Variants in ARF4 observed in about 807,000 individuals in gnomAD.
ARF4 encodes ADP-ribosylation factor 4.
ARF4 carries 5 observed loss-of-function variants against 24.3 expected under a neutral mutation model. The ratio of observed to expected loss-of-function variants is 0.21; its 90% CI spans 0.11 to 0.43. ARF4 has a LOEUF of 0.43. Among genes scored for constraint, ARF4 ranks in the 20% least tolerant of loss-of-function variants. The pLI is 1.00. For missense variants in ARF4, 107 were observed against 213.0 expected (o/e 0.50, Z 3.10); for synonymous variants, 62 against 73.5 (o/e 0.84, Z 0.80).
intron 1 of ARF4, among the ~76,000 whole-genome samples, chr3:57,593,478 T>C (rs1163074483): frequency 6.6e-6 from 1 of 152,146 alleles, no homozygotes; most frequent in African/African-American, 2.4e-5. Context: ...CCTGAACATC[T>C]CTAGACCCCC....
intron 5 of ARF4, among the ~76,000 whole-genome samples, chr3:57,574,132 G>A (rs1372169353): frequency 6.6e-6 from 1 of 150,992 alleles, no homozygotes; most frequent in Admixed American, 6.6e-5. Flanking sequence ...GTAGAGATGG[G>A]GTTTCATCAT....
Position 57,597,067 on chromosome 3 carries a change from C to T in ARF4, c.67+7G>A. On this transcript the variant is annotated splice_region_variant and intron_variant, in intron 1 of 5. Transcript: ENST00000303436. ...AGGTCCCGCCTGACTCGCAGCCCCTCACTCACCCATCAAAATGCGCATCTG... is the reference window on the plus strand; with the variant it reads ...AGGTCCCGCCTGACTCGCAGCCCCTTACTCACCCATCAAAATGCGCATCTG... The T allele has an allele frequency of 6.2e-7, 1 of 1,613,822 alleles. No homozygotes were observed. Among genetic ancestry groups the T allele is most frequent in the Non-Finnish European group, 8.5e-7 (1 of 1,179,724 alleles).
chr3:57,575,435 G>A (rs980515110), intron 5 of ARF4, 113 bp downstream of exon 5: 3 of 1,060,068 alleles, frequency 2.8e-6, no homozygotes, highest in Non-Finnish European at 2.5e-6. Flanking sequence ...TAAATGATGT[G>A]CTCATTATTT....
chr3:57,597,011 C>T, intron 1 of ARF4, 63 bp downstream of exon 1: 1 of 1,569,716 alleles, frequency 6.4e-7, no homozygotes, highest in Non-Finnish European at 8.8e-7. Context: ...GGCCCAGAGG[C>T]CACCCCAATT....
intron 1 of ARF4, among the ~76,000 whole-genome samples, chr3:57,595,059 C>T (rs1476838852): frequency 6.6e-6 from 1 of 152,178 alleles, no homozygotes; most frequent in Non-Finnish European, 1.5e-5. Context: ...ACAAGTAACT[C>T]CTAAATCCTC....
intron 1 of ARF4, among the ~76,000 whole-genome samples, chr3:57,592,770 A>G (rs1224206972): frequency 6.6e-6 from 1 of 152,174 alleles, no homozygotes; most frequent in African/African-American, 2.4e-5. Flanking sequence ...TAATCAGAAG[A>G]GCCTGTTTTT....
At chr3:57,594,163 G>A (rs2070151830) in intron 1 of ARF4, among the ~76,000 whole-genome samples, 1 of 152,188 alleles carries the variant, frequency 6.6e-6, no homozygotes, top group Non-Finnish European at 1.5e-5. Context: ...GGCAGAGGTT[G>A]CAGTGAGCCT....
chr3:57,593,006 A>AT (rs2070133702), intron 1 of ARF4, among the ~76,000 whole-genome samples: 1 of 152,052 alleles, frequency 6.6e-6, no homozygotes. Context: ...GGAGTTTGAG[A>AT]TCAGCTGGGC....
Position 57,572,167 on chromosome 3 carries a change from G to T in ARF4, c.*45C>A, listed in dbSNP as rs777306191. ...AACTAATTTTGTTGTAACAAGCCTA[G>T]ACCAATTTTATCAAACATGTCCTTG... is the stretch of plus-strand genomic sequence containing the variant. On this transcript the variant is annotated 3_prime_UTR_variant, in exon 6 of 6. Transcript: ENST00000303436. The T allele has an allele frequency of 1.5e-5, 23 of 1,503,842 alleles. No individual in the cohort carries two copies. In the Admixed American group the frequency reaches 3.2e-4, roughly 21 times the overall value. 93.2% of individuals were successfully genotyped at this position (1,503,842 alleles called of 1,614,324 possible).
chr3:57,575,391 T>C (rs2069891354), intron 5 of ARF4, among the ~76,000 whole-genome samples, 157 bp downstream of exon 5: 1 of 151,696 alleles, frequency 6.6e-6, no homozygotes, highest in Non-Finnish European at 1.5e-5. Flanking sequence ...AAAAATCAAA[T>C]AAGGTATTTA....
At chr3:57,585,404 TG>T in intron 1 of ARF4, among the ~76,000 whole-genome samples, 1 of 152,268 alleles carries the variant, frequency 6.6e-6, no homozygotes, top group South Asian at 2.1e-4. Context: ...TAAAGGAAGA[TG>T]AAGCCAATTT....
Position 57,584,480 on chromosome 3 carries a change from A to G in ARF4, c.68-16T>C, listed in dbSNP as rs766157937. ...TCCAATCCAACTAGAAGAAGACATT[A>G]TAGATTTAAAATCCAGACCAAAAGC... On this transcript the variant is annotated splice_polypyrimidine_tract_variant and intron_variant, in intron 1 of 5. Coordinates refer to ENST00000303436, the MANE Select transcript of ARF4 (RefSeq NM_001660.4). The G allele has an allele frequency of 6.2e-7, 1 of 1,601,068 alleles. No homozygotes were observed. Among genetic ancestry groups the G allele is most frequent in the Admixed American group, 1.7e-5 (1 of 59,280 alleles).
intron 1 of ARF4, among the ~76,000 whole-genome samples, chr3:57,594,473 C>CA (rs1466723123): frequency 6.6e-6 from 1 of 152,138 alleles, no homozygotes; most frequent in Admixed American, 6.6e-5. Flanking sequence ...TAATTTCTGT[C>CA]AATCAATAGT....
chr3:57,576,504 CT>C (rs376750506), intron 4 of ARF4, among the ~76,000 whole-genome samples: 16,429 of 101,518 alleles, frequency 0.16, 379 homozygotes, highest in East Asian at 0.32. Context: ...CTCAACCAAG[CT>C]TTTTTTTTTT....
In ARF4 at chr3:57,597,226, A is replaced by T; in HGVS notation, c.-86T>A. 7.6e-7 allele frequency: 1 copy of T among 1,308,890 alleles called. No homozygotes were observed. Among genetic ancestry groups the T allele is most frequent in the Non-Finnish European group, 1.1e-6 (1 of 919,702 alleles). The allele number at this position is 1,308,890 out of a possible 1,614,324, so 81.1% of individuals were successfully genotyped here. A position where few individuals can be genotyped will look rare whatever the true frequency, so the allele number is the denominator to read the frequency against. On this transcript the variant is annotated 5_prime_UTR_variant, in exon 1 of 6. Transcript: ENST00000303436. ...CTCCTTTCAAGCTCCCAGGCAAACT[A>T]AACGAGAGGGAAGAGAAAGAGCGGA...
intron 1 of ARF4, among the ~76,000 whole-genome samples, chr3:57,587,319 CAAAAAAAAAA>C (rs56787111): frequency 4.4e-5 from 2 of 45,408 alleles, no homozygotes; most frequent in Non-Finnish European, 9.4e-5. Context: ...AACTCAGTCT[CAAAAAAAAAA>C]AAAAAAAAAA....
intron 1 of ARF4, among the ~76,000 whole-genome samples, chr3:57,591,027 T>G (rs888076963): frequency 6.6e-6 from 1 of 152,218 alleles, no homozygotes; most frequent in Admixed American, 6.5e-5. Context: ...AGACATTTAA[T>G]GTCCAGAAAT....
Position 57,585,665 on chromosome 3 carries a change from CT to C in ARF4, c.68-1202del, listed in dbSNP as rs10651218. On this transcript the variant is annotated intron_variant, in intron 1 of 5. Transcript: ENST00000303436. Reference sequence around the variant, plus strand: ...CTACAATATAAGTAATATCTAAATTCTTTTTTTTTTTTTTTGAGACAGAGTA... The same window carrying C: ...CTACAATATAAGTAATATCTAAATTCTTTTTTTTTTTTTTGAGACAGAGTA... Among the ~76,000 whole-genome samples the C allele has an allele frequency of 5.8e-5, 8 of 137,048 alleles. No individual in the cohort carries two copies. The South Asian group carries it at 6.8e-4, about 12-fold the overall frequency. 89.9% of individuals were successfully genotyped at this position (137,048 alleles called of 152,430 possible). A position where few individuals can be genotyped will look rare whatever the true frequency, so the allele number is the denominator to read the frequency against.
At chr3:57,573,797 G>C (rs940202956) in intron 5 of ARF4, among the ~76,000 whole-genome samples, 1 of 152,160 alleles carries the variant, frequency 6.6e-6, no homozygotes, top group Admixed American at 6.6e-5. Context: ...GCCCAGGCTG[G>C]TCTCGAACTC....
Sources: allele counts gnomAD v4.1 joint callset (sites outside exome capture counted in the v4.1 genomes callset), GRCh38; gene constraint gnomAD v4.1.1; transcripts MANE v1.5; gene names NCBI Gene and HGNC (gene_info 2026-07-23, HGNC 2026-07-21).